The following KRT1 variants were observed in gnomAD, a reference collection of about 807,000 sequenced individuals.
The protein encoded by KRT1 is keratin 1, also known as keratin, type II cytoskeletal 1.
Under a neutral mutation model 51.6 loss-of-function variants are expected in KRT1, and 28 were observed. The observed-to-expected ratio is 0.54, with a 90% CI of 0.40 to 0.74. KRT1 has a LOEUF of 0.74. Ranked by LOEUF, KRT1 falls within the 30% of genes least tolerant of loss-of-function variation. The pLI is 0.00. For missense variants in KRT1, 783 were observed against 815.5 expected, an observed-to-expected ratio of 0.96 and a Z score of 0.49; for synonymous variants, 301 against 307.7, an observed-to-expected ratio of 0.98 and a Z score of 0.23.
In KRT1 at chr12:52,680,291, C is replaced by T. The variant is rs1398806309; in HGVS notation, c.58G>A (p.Gly20Ser). Reference sequence around the variant, plus strand: ...TGGTAGTTGATGATCCCAGCAGAGCCAGAGCTGAAGCCCCCTCCACTTCGG... The same window carrying T: ...TGGTAGTTGATGATCCCAGCAGAGCTAGAGCTGAAGCCCCCTCCACTTCGG... Reference protein sequence around the residue: ...GYRSGGGFSSGSAGIINYQRR... With the variant: ...GYRSGGGFSSSSAGIINYQRR... The change falls in exon 1 of 9, where the codon GGC becomes AGC. Residue 20 changes from glycine (G) to serine (S), a missense_variant. Transcript: ENST00000252244. The T allele has an allele frequency of 6.2e-7, 1 of 1,614,062 alleles. No homozygotes were observed. Among genetic ancestry groups the T allele is most frequent in the African/African-American group, 1.3e-5 (1 of 74,910 alleles).
rs1212138370 is a variant in KRT1, at chr12:52,675,721, T to A, written c.1499A>T (p.Asn500Ile). The change falls in exon 8 of 9, where the codon AAC (asparagine) becomes ATC (isoleucine). Residue 500 changes from asparagine (N) to isoleucine (I), a missense_variant. By Grantham distance (149) the Asn-to-Ile change is moderately radical. Transcript: ENST00000252244. ...CGACTTGTACTTACACACACTCACG[T>A]TCGGGGCACATTCTCCAGACATCCT... Reference protein sequence around the residue: ...ESRMSGECAPNVSVSVSTSHT... With the variant: ...ESRMSGECAPIVSVSVSTSHT... The A allele has an allele frequency of 6.2e-7, 1 of 1,614,058 alleles. No individual in the cohort carries two copies. Among genetic ancestry groups the A allele is most frequent in the Admixed American group, 1.7e-5 (1 of 60,006 alleles).
chr12:52,679,720 A>C (rs1204991075), intron 1 of KRT1, 38 bp downstream of exon 1: 2 of 1,570,036 alleles, frequency 1.3e-6, no homozygotes, highest in Admixed American at 1.7e-5. Context: ...CAAGTGGACC[A>C]GCGGCAGCCC....
chr12:52,676,944 T>C, intron 6 of KRT1, 115 bp downstream of exon 6: 1 of 1,372,468 alleles, frequency 7.3e-7, no homozygotes, highest in East Asian at 2.3e-5. Flanking sequence ...GAACCAGGGA[T>C]AATAATGTAG....
At chr12:52,678,923 G>C (rs1036501279) in intron 1 of KRT1, among the ~76,000 whole-genome samples, 167 bp from the exon 2 acceptor site, 2 of 152,210 alleles carry the variant, frequency 1.3e-5, no homozygotes, top group Non-Finnish European at 2.9e-5. Context: ...AACCCAACTT[G>C]TTAATTCAGA....
chr12:52,677,404 A>G lies in KRT1; in HGVS notation c.1040T>C (p.Leu347Pro), dbSNP rs1472943863. ...CTTGACCTCAGCAATGATGCTGTCC[A>G]GGTCGAGACTGCGGTTGTTGTCCAT... ...LSMDNNRSLD[L>P]DSIIAEVKAQ... Residue 347 changes from leucine (L) to proline (P), a missense_variant, in exon 5 of 9, where the codon CTG (leucine) becomes CCG (proline). Physicochemically the swap from Leu to Pro is moderately conservative, Grantham distance 98. Coordinates refer to ENST00000252244, the MANE Select transcript of KRT1 (RefSeq NM_006121.4). The G allele has an allele frequency of 6.2e-7, 1 of 1,614,232 alleles. No homozygotes were observed. The highest frequency in any genetic ancestry group is 2.2e-5 in the East Asian group (1 of 44,884).
rs558912213 is a variant in KRT1 at position 52,675,026 on chromosome 12, T to C, written c.*167A>G. On this transcript the variant is annotated 3_prime_UTR_variant, in exon 9 of 9. Coordinates refer to ENST00000252244, the MANE Select transcript of KRT1 (RefSeq NM_006121.4). ...GATTGCCACTGATCTGAAAACTTCA[T>C]TGGGAAACAGCAGAAAAGAAAGAGC... 4.7e-4 allele frequency: 452 copies of C among 964,086 alleles called. 1 individual carries two copies. In the African/African-American group the frequency reaches 5.7e-3, roughly 12 times the overall value. The allele number at this position is 964,086 out of a possible 1,614,324, so 59.7% of individuals were successfully genotyped here.
intron 1 of KRT1, 38 bp from the exon 2 acceptor site, chr12:52,678,794 T>G: frequency 6.5e-7 from 1 of 1,544,936 alleles, no homozygotes; most frequent in African/African-American, 1.4e-5. Context: ...GATGCATAAA[T>G]GGAGTCTCAT....
chr12:52,677,205 TTGTTA>T, intron 5 of KRT1, 21 bp from the exon 6 acceptor site: 1 of 1,614,160 alleles, frequency 6.2e-7, no homozygotes, highest in Non-Finnish European at 8.5e-7. Context: ...TAGATAGCGT[TTGTTA>T]AATGTAGGCA....
chr12:52,678,692 T>A lies in KRT1; in HGVS notation c.656A>T (p.Asp219Val). The part of the protein sequence containing the change: ...QTKWELLQQV[D>V]TSTRTHNLEP... ...TAAATTATGGGTTCTAGTGGAGGTA[T>A]CTACCTGCTGCAGCAGCTCCCATTT... The change falls in exon 2 of 9, where the codon GAT (aspartate) becomes GTT (valine). Residue 219 changes from aspartate (D) to valine (V), a missense_variant. Transcript: ENST00000252244. The A allele has an allele frequency of 6.2e-7, 1 of 1,614,244 alleles. No individual in the cohort carries two copies. The highest frequency in any genetic ancestry group is 8.5e-7 in the Non-Finnish European group (1 of 1,180,036).
In KRT1 at chr12:52,680,200, C is replaced by A; in HGVS notation, c.149G>T (p.Gly50Val). 2 of 1,613,896 alleles carry A rather than the reference C, an allele frequency of 1.2e-6. No homozygotes were observed. Among genetic ancestry groups the A allele is most frequent in the Non-Finnish European group, 8.5e-7 (1 of 1,179,842 alleles). ...GGGGGRFSSC[G>V]GGGGSFGAGG... ...AGCACCAAAGCTACCACCACCACCA[C>A]CACAGCTTGAAAATCTCCCACCACC... Residue 50 changes from glycine to valine, a missense_variant, in exon 1 of 9, where the codon GGT becomes GTT. Coordinates refer to ENST00000252244, the MANE Select transcript of KRT1 (RefSeq NM_006121.4).
rs1340444929 is a variant in KRT1 at position 52,675,474 on chromosome 12, A to G, written c.1654T>C (p.Tyr552His). 1.4e-6 allele frequency: 2 copies of G among 1,433,064 alleles called. No individual in the cohort carries two copies. Among genetic ancestry groups the G allele is most frequent in the African/African-American group, 1.6e-5 (1 of 63,010 alleles). The allele number at this position is 1,433,064 out of a possible 1,614,324, so 88.8% of individuals were successfully genotyped here. The stretch of plus-strand genomic sequence containing the variant: ...CCGTAGCTGCTACCTCCGGAGCCAT[A>G]GCTGCCACGGCCGCCGCCGCCGCCA... ...GGGGGGGRGS[Y>H]GSGGSSYGSG... The change falls in exon 9 of 9, where the codon TAT becomes CAT. Residue 552 changes from tyrosine (Y) to histidine (H), a missense_variant. By Grantham distance (83) the Tyr-to-His change is moderately conservative. Coordinates refer to ENST00000252244, the MANE Select transcript of KRT1 (RefSeq NM_006121.4).
intron 3 of KRT1, among the ~76,000 whole-genome samples, 156 bp from the exon 4 acceptor site, chr12:52,677,901 C>A (rs182891457): frequency 1.3e-5 from 2 of 152,198 alleles, no homozygotes; most frequent in Admixed American, 6.5e-5. Flanking sequence ...GTCCCACCCC[C>A]GGATAGCACC....
chr12:52,677,937 G>A (rs1370542765), intron 3 of KRT1, among the ~76,000 whole-genome samples, 192 bp from the exon 4 acceptor site: 2 of 152,142 alleles, frequency 1.3e-5, no homozygotes, highest in Non-Finnish European at 2.9e-5. Flanking sequence ...CTGGCTTGCT[G>A]AGAATCTGCC....
At chr12:52,675,854 G>A in intron 7 of KRT1, 110 bp from the exon 8 acceptor site, 1 of 1,253,838 alleles carries the variant, frequency 8.0e-7, no homozygotes, top group South Asian at 1.3e-5. Context: ...CTTCTCCAAT[G>A]CACTTAATCT....
chr12:52,678,422 A>T (rs1189986017), intron 2 of KRT1, 120 bp downstream of exon 2: 2 of 1,131,888 alleles, frequency 1.8e-6, no homozygotes, highest in Non-Finnish European at 2.7e-6. Flanking sequence ...AAAATGTCAA[A>T]CTGATGTGCC....
rs1207146187 is a variant in KRT1 at position 52,676,587 on chromosome 12, T to G, written c.1255-92A>C. 29 of 1,274,562 alleles carry G rather than the reference T, an allele frequency of 2.3e-5. No individual in the cohort carries two copies. In the East Asian group the frequency reaches 6.7e-4, roughly 30 times the overall value. The allele number at this position is 1,274,562 out of a possible 1,614,324, so 79.0% of individuals were successfully genotyped here. A position where few individuals can be genotyped will look rare whatever the true frequency, so the allele number is the denominator to read the frequency against. On this transcript the variant is annotated intron_variant, in intron 6 of 8. Coordinates refer to ENST00000252244, the MANE Select transcript of KRT1 (RefSeq NM_006121.4). The stretch of plus-strand genomic sequence containing the variant: ...CTCCCCACTCCAGTGAGGCCAATAA[T>G]GAGTCCAACAGAACCACTTGGCCTT...
chr12:52,677,824 A>G, intron 3 of KRT1, 79 bp from the exon 4 acceptor site: 1 of 1,277,468 alleles, frequency 7.8e-7, no homozygotes, highest in Non-Finnish European at 1.1e-6. Flanking sequence ...GGATTCTCCA[A>G]GCAAAAAAAG....
chr12:52,679,142 T>A (rs1941550365), intron 1 of KRT1, among the ~76,000 whole-genome samples: 1 of 152,178 alleles, frequency 6.6e-6, no homozygotes, highest in Non-Finnish European at 1.5e-5. Context: ...GGATTTGAAA[T>A]TTGTTGTGGA....
Position 52,675,186 on chromosome 12 carries a change from C to T in KRT1, c.*7G>A, listed in dbSNP as rs766678229. 1 of 1,613,292 alleles carries T rather than the reference C, an allele frequency of 6.2e-7. No homozygotes were observed. Among genetic ancestry groups the T allele is most frequent in the Non-Finnish European group, 8.5e-7 (1 of 1,179,974 alleles). ...GAACTAGAGCTAATGAAACAGAGGG[C>T]ATCTCTTTATCTGGTTACTCCGGAA... On this transcript the variant is annotated 3_prime_UTR_variant, in exon 9 of 9. Transcript: ENST00000252244.
Sources: allele counts gnomAD v4.1 joint callset (sites outside exome capture counted in the v4.1 genomes callset), GRCh38; gene constraint gnomAD v4.1.1; transcripts MANE v1.5; gene names NCBI Gene and HGNC (gene_info 2026-07-23, HGNC 2026-07-21).